RCL1: variants seen among roughly 807,000 people sequenced by gnomAD.
RCL1 encodes RNA terminal phosphate cyclase like 1.
Under a neutral mutation model 42.4 loss-of-function variants are expected in RCL1, and 24 were observed. The observed-to-expected ratio is 0.57, with a 90% CI of 0.41 to 0.80. The LOEUF is 0.80. Among genes scored for constraint, RCL1 ranks in the 30% least tolerant of loss-of-function variants. RCL1 has a pLI of 0.00. For missense variants in RCL1, 578 were observed against 467.9 expected (o/e 1.24, Z -2.17); for synonymous variants, 228 against 177.3 (o/e 1.29, Z -2.27).
chr9:4,852,697 C>T (rs1220365965), intron 8 of RCL1, among the ~76,000 whole-genome samples: 1 of 151,768 alleles, frequency 6.6e-6, no homozygotes, highest in Non-Finnish European at 1.5e-5. Flanking sequence ...GAGGAGCTGT[C>T]AGTGCTGGGT....
Position 4,860,300 on chromosome 9 carries a change from A to C in RCL1, c.*25A>C. On this transcript the variant is annotated 3_prime_UTR_variant, in exon 9 of 9. Coordinates refer to ENST00000381750, the MANE Select transcript of RCL1 (RefSeq NM_005772.5). ...ATAACCATCACAAGATAAGGCCCCA[A>C]TGCCTACAGACAAAGCAGAAGCTGC... The C allele has an allele frequency of 1.2e-6, 2 of 1,608,472 alleles. No individual in the cohort carries two copies. Among genetic ancestry groups the C allele is most frequent in the South Asian group, 1.1e-5 (1 of 89,978 alleles).
At chr9:4,839,914 G>C in intron 5 of RCL1, 1 of 985,810 alleles carries the variant, frequency 1.0e-6, no homozygotes. Context: ...TCAGGAGAGA[G>C]ATTGGGACCT....
intron 8 of RCL1, among the ~76,000 whole-genome samples, chr9:4,853,868 C>G (rs1185165422): frequency 6.6e-6 from 1 of 151,924 alleles, no homozygotes; most frequent in East Asian, 1.9e-4. Context: ...GGACACTGTC[C>G]TTGTTAAACA....
chr9:4,853,282 G>T (rs1469413081), intron 8 of RCL1, among the ~76,000 whole-genome samples: 1 of 151,708 alleles, frequency 6.6e-6, no homozygotes, highest in Non-Finnish European at 1.5e-5. Flanking sequence ...GTTCAGACCT[G>T]GACAGTCTCC....
At chr9:4,824,608 T>C (rs1483635685) in intron 2 of RCL1, among the ~76,000 whole-genome samples, 1 of 152,188 alleles carries the variant, frequency 6.6e-6, no homozygotes, top group African/African-American at 2.4e-5. Context: ...CAAACATCCG[T>C]TGGCTGACTC....
chr9:4,840,258 A>G (rs1300825296), intron 5 of RCL1, among the ~76,000 whole-genome samples: 1 of 152,212 alleles, frequency 6.6e-6, no homozygotes, highest in Non-Finnish European at 1.5e-5. Flanking sequence ...GATTGGGCAG[A>G]TTATATACCT....
At chr9:4,825,399 G>T (rs772288653) in intron 2 of RCL1, among the ~76,000 whole-genome samples, 7 of 152,008 alleles carry the variant, frequency 4.6e-5, no homozygotes, top group Non-Finnish European at 8.8e-5. Context: ...ATGGTTTTTT[G>T]ATCTAAAGGA....
At chr9:4,827,213 C>A in intron 3 of RCL1, 180 bp downstream of exon 3, 2 of 1,527,594 alleles carry the variant, frequency 1.3e-6, no homozygotes, top group Admixed American at 2.1e-5. Context: ...AACTTAGGAT[C>A]ATCAAATTCA....
chr9:4,837,999 C>A (rs1817195288), intron 5 of RCL1, among the ~76,000 whole-genome samples: 1 of 152,236 alleles, frequency 6.6e-6, no homozygotes, highest in South Asian at 2.1e-4. Context: ...CTGCCCATTT[C>A]ACAAACACCT....
chr9:4,832,479 A>G (rs935965723), intron 3 of RCL1, among the ~76,000 whole-genome samples: 3 of 152,188 alleles, frequency 2.0e-5, no homozygotes, highest in South Asian at 2.1e-4. Context: ...AATGAAAAAG[A>G]TGATTTTCTT....
At chr9:4,807,472 G>A (rs1008407654) in intron 1 of RCL1, among the ~76,000 whole-genome samples, 3 of 152,084 alleles carry the variant, frequency 2.0e-5, no homozygotes, top group East Asian at 1.9e-4. Context: ...TTAGGTCAAC[G>A]TAATTTTTAT....
chr9:4,816,622 T>A (rs1446973732), intron 1 of RCL1, among the ~76,000 whole-genome samples: 1 of 152,166 alleles, frequency 6.6e-6, no homozygotes, highest in Non-Finnish European at 1.5e-5. Context: ...GGGATGCATC[T>A]TTCTTAATCA....
At chr9:4,857,007 A>G (rs1448079852) in intron 8 of RCL1, among the ~76,000 whole-genome samples, 2 of 152,246 alleles carry the variant, frequency 1.3e-5, no homozygotes, top group Non-Finnish European at 2.9e-5. Context: ...GTAGTTTGGT[A>G]TACACCGAGT....
chr9:4,834,209 C>T lies in RCL1; in HGVS notation c.528C>T (p.Val176=), dbSNP rs532877046. The T allele has an allele frequency of 1.2e-6, 2 of 1,613,524 alleles. No homozygotes were observed. Among genetic ancestry groups the T allele is most frequent in the Non-Finnish European group, 1.7e-6 (2 of 1,179,710 alleles). The part of the protein sequence containing the change: ...EVVFSCPVRK[V]LKPIQLTDPG... ...TTTTCTCATGTCCTGTGAGGAAGGT[C>T]TTGAAGCCCATTCAACTCACAGATC... The change falls in exon 5 of 9, where the codon GTC becomes GTT. Residue 176 remains valine (V), a synonymous_variant. Transcript: ENST00000381750.
At chr9:4,827,915 A>G (rs1248789320) in intron 3 of RCL1, among the ~76,000 whole-genome samples, 1 of 152,072 alleles carries the variant, frequency 6.6e-6, no homozygotes, top group Non-Finnish European at 1.5e-5. Flanking sequence ...GGCCGGGCGC[A>G]GTGGCTTACG....
chr9:4,832,603 A>G (rs796165015), intron 3 of RCL1, among the ~76,000 whole-genome samples: 1 of 151,900 alleles, frequency 6.6e-6, no homozygotes, highest in Admixed American at 6.6e-5. Flanking sequence ...AGTTCAAGAG[A>G]TTGAGACCAT....
intron 1 of RCL1, among the ~76,000 whole-genome samples, chr9:4,805,873 T>C (rs1000808727): frequency 2.1e-4 from 32 of 152,368 alleles, no homozygotes; most frequent in African/African-American, 7.5e-4. Context: ...GTTGCTGTTA[T>C]ATAGTTTTCA....
At chr9:4,811,886 C>G (rs1207713302) in intron 1 of RCL1, among the ~76,000 whole-genome samples, 1 of 152,038 alleles carries the variant, frequency 6.6e-6, no homozygotes, top group African/African-American at 2.4e-5. Context: ...TTAATAATTG[C>G]CATTCTAACT....
At chr9:4,801,087 C>A (rs553200077) in intron 1 of RCL1, among the ~76,000 whole-genome samples, 1 of 152,244 alleles carries the variant, frequency 6.6e-6, no homozygotes, top group South Asian at 2.1e-4. Flanking sequence ...TCTTAATTTG[C>A]GTATTACAAA....
Sources: gnomAD v4.1 joint callset for allele counts (sites outside exome capture counted in the v4.1 genomes callset) on GRCh38, gnomAD v4.1.1 for gene constraint, MANE v1.5 for transcripts, NCBI Gene and HGNC (gene_info 2026-07-23, HGNC 2026-07-21) for gene names.